The following GSAP variants were observed in gnomAD, a reference collection of about 807,000 sequenced individuals.
GSAP encodes gamma-secretase-activating protein.
In GSAP, 118 loss-of-function variants were observed where a neutral mutation model predicts 131.7. The ratio of observed to expected loss-of-function variants is 0.90; its 90% CI spans 0.77 to 1.04. The LOEUF is 1.04. GSAP is among the 50% of genes least tolerant of loss of function. GSAP has a pLI of 0.00. For missense variants in GSAP, 1,019 were observed against 1,013.2 expected, an observed-to-expected ratio of 1.01 and a Z score of -0.08; for synonymous variants, 381 against 363.4, an observed-to-expected ratio of 1.05 and a Z score of -0.55.
At position 77,416,189 on chromosome 7, in the gene GSAP, CTCTCCGCAGCGCGCCTCCCGCACCT is replaced by C; in HGVS notation, c.108_109+23del. ...GGACTCCCACTCCCCGCCCCCACCC[CTCTCCGCAGCGCGCCTCCCGCACCT>C]GCGCCGCCGCTTCCGGCCCCGCTGG... On this transcript the variant is annotated splice_donor_variant and splice_donor_5th_base_variant and coding_sequence_variant and intron_variant, in exon 1 of 31. Transcript: ENST00000257626. LOFTEE classifies it high-confidence loss of function. 1 of 1,236,258 alleles carries C rather than the reference CTCTCCGCAGCGCGCCTCCCGCACCT, an allele frequency of 8.1e-7. No homozygotes were observed. Among genetic ancestry groups the C allele is most frequent in the Non-Finnish European group, 1.1e-6 (1 of 920,694 alleles). 76.6% of individuals were successfully genotyped at this position (1,236,258 alleles called of 1,614,324 possible).
chr7:77,334,197 G>C lies in GSAP; in HGVS notation c.1546-3830C>G, dbSNP rs1167330931. On this transcript the variant is annotated intron_variant, in intron 19 of 30. Transcript: ENST00000257626. ...CCAAATGCCCATTAATGATTGACTGGATCAAGAAAATGTGGTACATATACA... is the reference window on the plus strand; with the variant it reads ...CCAAATGCCCATTAATGATTGACTGCATCAAGAAAATGTGGTACATATACA... Among the ~76,000 whole-genome samples the C allele has an allele frequency of 1.2e-4, 19 of 152,110 alleles. 1 individual carries two copies. Among genetic ancestry groups the C allele is most frequent in the Admixed American group, 7.2e-4 (11 of 15,270 alleles).
At position 77,311,344 on chromosome 7, in the gene GSAP, T is replaced by C. The variant is rs1794325717; in HGVS notation, c.*14A>G. The C allele has an allele frequency of 3.3e-6, 5 of 1,497,324 alleles. No homozygotes were observed. The highest frequency in any genetic ancestry group is 1.7e-4 in the Middle Eastern group (1 of 5,848). 92.8% of individuals were successfully genotyped at this position (1,497,324 alleles called of 1,614,324 possible). ...ATTAAAATGGCAGCAGCAGATCCAA[T>C]TGCGTTTTCTTTTTCATAAGCCTAA... On this transcript the variant is annotated 3_prime_UTR_variant, in exon 31 of 31. Coordinates refer to ENST00000257626, the MANE Select transcript of GSAP (RefSeq NM_017439.4).
intron 23 of GSAP, among the ~76,000 whole-genome samples, chr7:77,324,825 A>ATTTT (rs1562902818): frequency 8.7e-6 from 1 of 114,306 alleles, no homozygotes; most frequent in African/African-American, 3.7e-5. Context: ...TGTTTGCCAT[A>ATTTT]CTTTTTTTTT....
rs1584168456 is a variant in GSAP, at chr7:77,310,809, A to T, written c.*549T>A. 3 of 150,816 alleles carry T rather than the reference A, an allele frequency of 2.0e-5. No homozygotes were observed. Among genetic ancestry groups the T allele is most frequent in the African/African-American group, 7.3e-5 (3 of 41,298 alleles). The allele number at this position is 150,816 out of a possible 1,614,324, so 9.3% of individuals were successfully genotyped here. A position where few individuals can be genotyped will look rare whatever the true frequency, so the allele number is the denominator to read the frequency against. ...ATTCCTAAATCAACCTTTTATAAAT[A>T]AAAAAAAATAAATATGTTTCATCTG... is the stretch of plus-strand genomic sequence containing the variant. On this transcript the variant is annotated 3_prime_UTR_variant, in exon 31 of 31. Transcript: ENST00000257626.
chr7:77,354,189 T>C (rs1388901330), intron 16 of GSAP, among the ~76,000 whole-genome samples: 1 of 152,208 alleles, frequency 6.6e-6, no homozygotes. Context: ...TGACAGATAT[T>C]ATAAGGCACG....
At chr7:77,378,603 C>T (rs1233978221) in intron 8 of GSAP, among the ~76,000 whole-genome samples, 1 of 151,886 alleles carries the variant, frequency 6.6e-6, no homozygotes, top group Non-Finnish European at 1.5e-5. Context: ...AAAGTCAGAA[C>T]TATGGAACAT....
At position 77,312,136 on chromosome 7, in the gene GSAP, G is replaced by C; in HGVS notation, c.2338C>G (p.His780Asp). Residue 780 changes from histidine (H) to aspartate (D), a missense_variant, in exon 29 of 31, where the codon CAC becomes GAC. Coordinates refer to ENST00000257626, the MANE Select transcript of GSAP (RefSeq NM_017439.4). ...TAGTTCTGAAGCAGTCGCGTCACGT[G>C]GTTCCGCGAAATGATGTTAGAACTC... Reference protein sequence around the residue: ...PMSSNIISRNHVTRLLQNYKK... With the variant: ...PMSSNIISRNDVTRLLQNYKK... 1.2e-6 allele frequency: 2 copies of C among 1,603,168 alleles called. No individual in the cohort carries two copies. The highest frequency in any genetic ancestry group is 1.7e-6 in the Non-Finnish European group (2 of 1,175,142).
rs770888030 is a variant in GSAP, at chr7:77,311,021, T to C, written c.*337A>G. ...ACCTAGTTTTTGCTTTTCTAAGCAC[T>C]GTTCCCTACATTTTTAAAGCATATT... On this transcript the variant is annotated 3_prime_UTR_variant, in exon 31 of 31. Transcript: ENST00000257626. 5.1e-6 allele frequency: 1 copy of C among 194,266 alleles called. No individual in the cohort carries two copies. The highest frequency in any genetic ancestry group is 1.1e-5 in the Non-Finnish European group (1 of 94,482). The allele number at this position is 194,266 out of a possible 1,614,324, so 12.0% of individuals were successfully genotyped here.
chr7:77,410,392 T>G (rs1325949775), intron 1 of GSAP, among the ~76,000 whole-genome samples: 6 of 152,180 alleles, frequency 3.9e-5, no homozygotes, highest in African/African-American at 1.4e-4. Flanking sequence ...AAAAGAAGTA[T>G]TCAGTAACCT....
intron 5 of GSAP, among the ~76,000 whole-genome samples, chr7:77,391,020 G>A (rs6948579): frequency 0.029 from 4,119 of 141,060 alleles, 216 homozygotes; most frequent in African/African-American, 0.1. Flanking sequence ...GTAGCTACTC[G>A]GGAGGCTGAG....
chr7:77,355,741 A>T, intron 14 of GSAP, 94 bp from the exon 15 acceptor site: 1 of 742,870 alleles, frequency 1.3e-6, no homozygotes, highest in African/African-American at 1.8e-5. Flanking sequence ...GAATATCTCA[A>T]AAGGCAAAAG....
At chr7:77,334,605 A>AAAAAAAAAAAAAAAAAAAAAAAAAAC in intron 19 of GSAP, among the ~76,000 whole-genome samples, 1 of 149,772 alleles carries the variant, frequency 6.7e-6, no homozygotes. Context: ...AAAAAAAAAA[A>AAAAAAAAAAAAAAAAAAAAAAAAAAC]AGATGAACCT....
At chr7:77,397,982 A>AT (rs917166075) in intron 3 of GSAP, among the ~76,000 whole-genome samples, 1 of 151,866 alleles carries the variant, frequency 6.6e-6, no homozygotes, top group Non-Finnish European at 1.5e-5. Flanking sequence ...GACTTCTTTA[A>AT]TTTTTTTTCC....
intron 11 of GSAP, among the ~76,000 whole-genome samples, 176 bp downstream of exon 11, chr7:77,374,882 C>G (rs1331341426): frequency 6.6e-6 from 1 of 152,014 alleles, no homozygotes. Context: ...ATGTAAAATC[C>G]TGGGTTCATG....
chr7:77,349,379 G>T lies in GSAP; in HGVS notation c.1517C>A (p.Thr506Lys). 1 of 1,612,966 alleles carries T rather than the reference G, an allele frequency of 6.2e-7. No individual in the cohort carries two copies. The highest frequency in any genetic ancestry group is 8.5e-7 in the Non-Finnish European group (1 of 1,179,206). Residue 506 changes from threonine (T) to lysine (K), a missense_variant, in exon 19 of 31, where the codon ACA (threonine) becomes AAA (lysine). Thr to Lys is a moderately conservative substitution (Grantham distance 78, BLOSUM62 -1). Transcript: ENST00000257626. ...CATAAGAGGCAATGCAATGTCTTCT[G>T]TCACAAGAGTTATTCCAGGAATTTC... ...NTEIPGITLV[T>K]EDIALPLMKV...
At chr7:77,383,235 G>A (rs1415903132) in intron 6 of GSAP, among the ~76,000 whole-genome samples, 1 of 151,958 alleles carries the variant, frequency 6.6e-6, no homozygotes, top group Non-Finnish European at 1.5e-5. Flanking sequence ...GCTAATTCTA[G>A]GGATGGTACT....
chr7:77,322,541 A>C (rs1787794418), intron 24 of GSAP, among the ~76,000 whole-genome samples: 1 of 152,072 alleles, frequency 6.6e-6, no homozygotes, highest in Admixed American at 6.5e-5. Context: ...CAACAGAAAT[A>C]AAGGTGATAG....
At chr7:77,333,497 C>A (rs748411965) in intron 19 of GSAP, among the ~76,000 whole-genome samples, 4 of 152,170 alleles carry the variant, frequency 2.6e-5, no homozygotes, top group Non-Finnish European at 4.4e-5. Flanking sequence ...TATGCCTGAG[C>A]CTTATGAGTT....
At chr7:77,346,733 T>C (rs998005595) in intron 19 of GSAP, among the ~76,000 whole-genome samples, 1 of 151,420 alleles carries the variant, frequency 6.6e-6, no homozygotes, top group African/African-American at 2.4e-5. Context: ...AAAAAAAGTA[T>C]GACATACTTA....
Sources: allele counts gnomAD v4.1 joint callset (sites outside exome capture counted in the v4.1 genomes callset), GRCh38; gene constraint gnomAD v4.1.1; transcripts MANE v1.5; gene names NCBI Gene and HGNC (gene_info 2026-07-23, HGNC 2026-07-21).